Variants in PRMT9 observed in about 807,000 individuals in gnomAD.
PRMT9 encodes the protein protein arginine methyltransferase 9, also known as protein arginine N-methyltransferase 9.
PRMT9 carries 59 observed loss-of-function variants against 83.2 expected under a neutral mutation model. The observed-to-expected ratio is 0.71, with a 90% CI of 0.57 to 0.88. The LOEUF (loss-of-function observed/expected upper bound fraction) is 0.88, where lower values mean the gene tolerates loss of function less well. Among genes scored for constraint, PRMT9 ranks in the 40% least tolerant of loss-of-function variants. The probability of loss-of-function intolerance (pLI) is 0.00; values close to 1 mark genes in which losing one functional copy is unlikely to be tolerated. For missense variants in PRMT9, 947 were observed against 1,021.9 expected, an observed-to-expected ratio of 0.93 and a Z score of 1.00; for synonymous variants, 333 against 353.2, an observed-to-expected ratio of 0.94 and a Z score of 0.64.
At chr4:147,638,929 C>A in intron 11 of PRMT9, 31 bp downstream of exon 11, 7 of 1,596,074 alleles carry the variant, frequency 4.4e-6, no homozygotes, top group Non-Finnish European at 6.0e-6. Context: ...TAAACAATAA[C>A]AAACGAAATC....
chr4:147,680,364 A>G lies in PRMT9; in HGVS notation c.297T>C (p.Asp99=), dbSNP rs201310419. Residue 99 remains aspartate (D), a synonymous_variant, in exon 2 of 12, where the codon GAT becomes GAC. Coordinates refer to ENST00000322396, the MANE Select transcript of PRMT9 (RefSeq NM_138364.4). ...CYEQALELFP[D]DEVICNSMGE... Reference sequence around the variant, plus strand: ...CCATACTATTGCAAATCACTTCATCATCAGGAAACAGTTCCAAGGCCTGCT... The same window carrying G: ...CCATACTATTGCAAATCACTTCATCGTCAGGAAACAGTTCCAAGGCCTGCT... 3 of 1,614,170 alleles carry G rather than the reference A, an allele frequency of 1.9e-6. No homozygotes were observed. In the African/African-American group the frequency reaches 4.0e-5, roughly 22 times the overall value.
intron 9 of PRMT9, among the ~76,000 whole-genome samples, chr4:147,652,886 T>C (rs1272857068): frequency 1.3e-5 from 2 of 152,236 alleles, no homozygotes; most frequent in East Asian, 3.9e-4. Context: ...CAGGCTGTTA[T>C]TGCTGGAGAA....
chr4:147,681,742 G>A (rs781746271), intron 1 of PRMT9, among the ~76,000 whole-genome samples: 10 of 151,146 alleles, frequency 6.6e-5, no homozygotes, highest in South Asian at 2.1e-4. Flanking sequence ...AACCGAGATC[G>A]CACCACTGCA....
intron 10 of PRMT9, chr4:147,639,372 G>A (rs946278798): frequency 9.4e-6 from 3 of 318,424 alleles, no homozygotes; most frequent in Non-Finnish European, 1.8e-5. Context: ...ATTTGGATGA[G>A]AGCAGATTAA....
intron 10 of PRMT9, chr4:147,639,335 C>G (rs1455602437): frequency 4.9e-6 from 2 of 411,556 alleles, no homozygotes; most frequent in Non-Finnish European, 9.0e-6. Context: ...ATAATTTGCT[C>G]TGGTTTCCAT....
chr4:147,667,401 T>C (rs2126621801), intron 6 of PRMT9, among the ~76,000 whole-genome samples: 1 of 152,198 alleles, frequency 6.6e-6, no homozygotes, highest in African/African-American at 2.4e-5. Context: ...GAAAAGCAAA[T>C]ATATTTACTG....
intron 1 of PRMT9, among the ~76,000 whole-genome samples, chr4:147,683,144 T>A (rs1736603731): frequency 6.6e-6 from 1 of 152,190 alleles, no homozygotes; most frequent in Admixed American, 6.5e-5. Flanking sequence ...TTAGGCTAAT[T>A]ACACACTTTA....
rs141216537 is a variant in PRMT9, at chr4:147,673,659, C to T, written c.554G>A (p.Gly185Glu). The change falls in exon 3 of 12, where the codon GGA becomes GAA. Residue 185 changes from glycine (G) to glutamate (E), a missense_variant. Physicochemically the swap from Gly to Glu is moderately conservative, Grantham distance 98. Coordinates refer to ENST00000322396, the MANE Select transcript of PRMT9 (RefSeq NM_138364.4). ...CAACCTTAGTATTCCAGTTCCTGCT[C>T]CAATGTCCAAAACACTTTTGGACCC... ...CLGSKSVLDIGAGTGILSMFA... is the reference protein window; with the variant it reads ...CLGSKSVLDIEAGTGILSMFA... 30 of 1,610,808 alleles carry T rather than the reference C, an allele frequency of 1.9e-5. No homozygotes were observed. The African/African-American group carries it at 3.6e-4, about 19-fold the overall frequency.
chr4:147,676,447 T>A (rs1011091117), intron 2 of PRMT9, among the ~76,000 whole-genome samples: 1 of 152,200 alleles, frequency 6.6e-6, no homozygotes, highest in Non-Finnish European at 1.5e-5. Context: ...TAAAAATATT[T>A]TCAAACAAAT....
At chr4:147,639,503 A>C (rs1733237778) in intron 10 of PRMT9, among the ~76,000 whole-genome samples, 2 of 152,164 alleles carry the variant, frequency 1.3e-5, no homozygotes, top group African/African-American at 4.8e-5. Flanking sequence ...ACAATAGTTG[A>C]TTTCATTTGG....
chr4:147,648,679 G>A (rs1412892223), intron 9 of PRMT9, among the ~76,000 whole-genome samples: 3 of 152,184 alleles, frequency 2.0e-5, no homozygotes, highest in African/African-American at 7.2e-5. Context: ...TCTGAAGTAG[G>A]GGGCAGTCTG....
intron 1 of PRMT9, 32 bp downstream of exon 1, chr4:147,683,767 T>A: frequency 1.0e-5 from 14 of 1,343,774 alleles, no homozygotes; most frequent in African/African-American, 1.5e-5. Flanking sequence ...GGACGTTGGA[T>A]CTGCCAGCAA....
intron 9 of PRMT9, among the ~76,000 whole-genome samples, chr4:147,651,026 C>T (rs181216959): frequency 3.9e-5 from 6 of 152,056 alleles, no homozygotes; most frequent in Admixed American, 1.3e-4. Flanking sequence ...CCCCTTGAAC[C>T]CAGGAGGTGG....
chr4:147,680,311 A>C lies in PRMT9; in HGVS notation c.338+12T>G. On this transcript the variant is annotated intron_variant, in intron 2 of 11. Coordinates refer to ENST00000322396, the MANE Select transcript of PRMT9 (RefSeq NM_138364.4). ...ATAATTCTTAACAAGTAATACTAAA[A>C]TCACTACAAACCTGAAGAGATGCTC... is the stretch of plus-strand genomic sequence containing the variant. 6.2e-7 allele frequency: 1 copy of C among 1,613,382 alleles called. No homozygotes were observed. The highest frequency in any genetic ancestry group is 8.5e-7 in the Non-Finnish European group (1 of 1,179,298).
chr4:147,670,282 C>T (rs1454770078), intron 5 of PRMT9, among the ~76,000 whole-genome samples: 5 of 152,216 alleles, frequency 3.3e-5, no homozygotes, highest in Non-Finnish European at 7.3e-5. Flanking sequence ...CGGGTTCAAG[C>T]GATTCTCCTG....
Position 147,673,862 on chromosome 4 carries a change from C to T in PRMT9, c.351G>A (p.Arg117=). 6.2e-7 allele frequency: 1 copy of T among 1,613,406 alleles called. No homozygotes were observed. Among genetic ancestry groups the T allele is most frequent in the Non-Finnish European group, 8.5e-7 (1 of 1,179,410 alleles). ...MGEHLFRMGF[R]DEAAGYFHKA... ...TATGAAAATACCCAGCTGCTTCATC[C>T]CTAAAGCCCATTCTAGAGTAAAAAA... The change falls in exon 3 of 12, where the codon AGG becomes AGA. Residue 117 remains arginine, a synonymous_variant. Transcript: ENST00000322396.
In PRMT9 at chr4:147,654,336, C is replaced by G; in HGVS notation, c.1561G>C (p.Glu521Gln). Residue 521 changes from glutamate (E) to glutamine (Q), a missense_variant, in exon 9 of 12, where the codon GAA becomes CAA. Physicochemically the swap from Glu to Gln is conservative, Grantham distance 29 (BLOSUM62 2). Transcript: ENST00000322396. ...PDAVEQTCIL[E>Q]STEIALLNNI... is the part of the protein sequence containing the mutation. Reference sequence around the variant, plus strand: ...TTAAGCAAAGCAATTTCTGTAGATTCCAATATACATGTCTGCTCTACAGCA... The same window carrying G: ...TTAAGCAAAGCAATTTCTGTAGATTGCAATATACATGTCTGCTCTACAGCA... The G allele has an allele frequency of 6.2e-7, 1 of 1,614,050 alleles. No individual in the cohort carries two copies. Among genetic ancestry groups the G allele is most frequent in the Non-Finnish European group, 8.5e-7 (1 of 1,179,904 alleles).
chr4:147,654,236 TAC>T lies in PRMT9; in HGVS notation c.1659_1660del (p.Tyr554SerfsTer10). On this transcript the variant is annotated frameshift_variant, in exon 9 of 12. Transcript: ENST00000322396. LOFTEE classifies it high-confidence loss of function. ...CTGACAGTGAGTATCCATGGTCTGA[TAC>T]AGTTTCTCTGGAGTCAGTGAAGACA... 1 of 1,614,180 alleles carries T rather than the reference TAC, an allele frequency of 6.2e-7. No individual in the cohort carries two copies.
At chr4:147,680,554 C>G (rs531268297) in intron 1 of PRMT9, 83 bp from the exon 2 acceptor site, 1 of 1,080,434 alleles carries the variant, frequency 9.3e-7, no homozygotes, top group Admixed American at 2.0e-5. Flanking sequence ...AGATTCCAAG[C>G]AATCGAACTT....
Sources: gnomAD v4.1 joint callset for allele counts (sites outside exome capture counted in the v4.1 genomes callset) on GRCh38, gnomAD v4.1.1 for gene constraint, MANE v1.5 for transcripts, NCBI Gene and HGNC (gene_info 2026-07-23, HGNC 2026-07-21) for gene names.